The following MAGI2 variants were observed in gnomAD, a reference collection of about 807,000 sequenced individuals.
The protein encoded by MAGI2 is membrane associated guanylate kinase, WW and PDZ domain containing 2.
MAGI2 carries 35 observed loss-of-function variants against 133.3 expected under a neutral mutation model. The observed-to-expected ratio is 0.26, with a 90% CI of 0.20 to 0.35. MAGI2 has a LOEUF of 0.35. Ranked by LOEUF, MAGI2 falls within the 10% of genes least tolerant of loss-of-function variation. The pLI, the probability that MAGI2 is intolerant of heterozygous loss-of-function variation, is 1.00. For missense variants in MAGI2, 1,636 were observed against 1,863.4 expected (o/e 0.88, Z 2.25); for synonymous variants, 729 against 710.6 (o/e 1.03, Z -0.41).
At chr7:78,715,732 T>C (rs1162314337) in intron 2 of MAGI2, among the ~76,000 whole-genome samples, 1 of 151,906 alleles carries the variant, frequency 6.6e-6, no homozygotes, top group African/African-American at 2.4e-5. Context: ...CTTTAGATAA[T>C]AAGAACATAT....
chr7:78,804,748 CAAAA>C (rs373472835), intron 2 of MAGI2, among the ~76,000 whole-genome samples: 4 of 97,736 alleles, frequency 4.1e-5, no homozygotes, highest in African/African-American at 9.5e-5. Context: ...GACTCTGTCT[CAAAA>C]AAAAAAAAAA....
chr7:79,385,142 C>T, intron 1 of MAGI2, among the ~76,000 whole-genome samples: 1 of 151,528 alleles, frequency 6.6e-6, no homozygotes, highest in East Asian at 1.9e-4. Context: ...CATAGTAGTA[C>T]AAAACAGAGC....
chr7:79,416,655 G>C (rs1209849289), intron 1 of MAGI2, among the ~76,000 whole-genome samples: 1 of 151,056 alleles, frequency 6.6e-6, no homozygotes, highest in African/African-American at 2.4e-5. Context: ...GAAAAATACA[G>C]ATAATTGTTG....
At chr7:79,184,819 T>G (rs1826933613) in intron 1 of MAGI2, among the ~76,000 whole-genome samples, 1 of 151,838 alleles carries the variant, frequency 6.6e-6, no homozygotes, top group Admixed American at 6.6e-5. Context: ...TTTTCTTTTC[T>G]TTTGAGTCTT....
intron 2 of MAGI2, among the ~76,000 whole-genome samples, chr7:78,952,053 C>T (rs1022718165): frequency 6.6e-6 from 1 of 152,178 alleles, no homozygotes; most frequent in Non-Finnish European, 1.5e-5. Context: ...ACCTAAACCT[C>T]TTTGCCTGGC....
intron 1 of MAGI2, among the ~76,000 whole-genome samples, chr7:79,438,822 C>T (rs998068593): frequency 1.3e-5 from 2 of 152,106 alleles, no homozygotes; most frequent in Non-Finnish European, 1.5e-5. Flanking sequence ...ACCAAATTTT[C>T]TCCTTTCCCC....
intron 3 of MAGI2, among the ~76,000 whole-genome samples, chr7:78,527,359 G>A (rs2150607172): frequency 6.6e-6 from 1 of 152,224 alleles, no homozygotes; most frequent in East Asian, 1.9e-4. Context: ...GTAGTCAATT[G>A]ACCTTTGCAT....
chr7:78,776,094 G>A (rs1331278343), intron 2 of MAGI2, among the ~76,000 whole-genome samples: 1 of 152,192 alleles, frequency 6.6e-6, no homozygotes, highest in Non-Finnish European at 1.5e-5. Context: ...GATTCACCAT[G>A]AGGATCAAAT....
chr7:78,312,784 T>TGGGTATATACC (rs896561513), intron 9 of MAGI2, among the ~76,000 whole-genome samples: 30 of 151,682 alleles, frequency 2.0e-4, no homozygotes, highest in Admixed American at 2.0e-3. Flanking sequence ...GCAATCCCAC[T>TGGGTATATACC]CAAGGGTATA....
At chr7:78,792,986 C>T (rs1440462237) in intron 2 of MAGI2, among the ~76,000 whole-genome samples, 3 of 152,234 alleles carry the variant, frequency 2.0e-5, no homozygotes, top group Non-Finnish European at 4.4e-5. Context: ...CTTTCAGGCA[C>T]ATGCTACATT....
intron 1 of MAGI2, among the ~76,000 whole-genome samples, chr7:79,315,348 T>A (rs1385883227): frequency 7.2e-5 from 4 of 55,474 alleles, no homozygotes; most frequent in Non-Finnish European, 1.3e-4. Flanking sequence ...TTTTTTTTTG[T>A]ATTTTTAGTA....
At chr7:78,280,853 CAAAAAAAAAAA>C (rs36097343) in intron 9 of MAGI2, among the ~76,000 whole-genome samples, 4 of 108,038 alleles carry the variant, frequency 3.7e-5, no homozygotes, top group Admixed American at 2.2e-4. Context: ...GATGGGTATA[CAAAAAAAAAAA>C]AAAAAAAAAA....
At chr7:78,195,092 G>A (rs1202928367) in intron 11 of MAGI2, 29 bp from the exon 12 acceptor site, 7 of 1,539,894 alleles carry the variant, frequency 4.5e-6, no homozygotes, top group Non-Finnish European at 5.3e-6. Flanking sequence ...CAGAGAAAAT[G>A]ACTGACAAAT....
chr7:78,071,028 G>A (rs1001846559), intron 21 of MAGI2, among the ~76,000 whole-genome samples: 4 of 152,138 alleles, frequency 2.6e-5, no homozygotes, highest in African/African-American at 7.2e-5. Flanking sequence ...GGACTTGCAG[G>A]TTGTGGGCAG....
chr7:79,242,109 A>C (rs1361981473), intron 1 of MAGI2, among the ~76,000 whole-genome samples: 1 of 152,182 alleles, frequency 6.6e-6, no homozygotes, highest in Non-Finnish European at 1.5e-5. Flanking sequence ...TAAGTTCAAG[A>C]GATCTATTGT....
At chr7:78,854,650 CTT>C (rs113049693) in intron 2 of MAGI2, among the ~76,000 whole-genome samples, 17 of 143,432 alleles carry the variant, frequency 1.2e-4, no homozygotes, top group Admixed American at 1.4e-4. Context: ...TTCTGGATTC[CTT>C]TTTTTTTTTT....
chr7:79,127,570 A>G (rs2129545079), intron 1 of MAGI2, among the ~76,000 whole-genome samples: 1 of 152,144 alleles, frequency 6.6e-6, no homozygotes. Flanking sequence ...GCATTTTTTC[A>G]TGTGTTTTTG....
chr7:78,760,618 C>A (rs1431972924), intron 2 of MAGI2, among the ~76,000 whole-genome samples: 1 of 152,088 alleles, frequency 6.6e-6, no homozygotes, highest in East Asian at 1.9e-4. Context: ...CATTAACCTT[C>A]CTTGACAATC....
rs375060263 is a variant in MAGI2, at chr7:79,266,075, C to T, written c.301+186945G>A. Among the ~76,000 whole-genome samples, 4 of 152,120 alleles carry T rather than the reference C, an allele frequency of 2.6e-5. No individual in the cohort carries two copies. The East Asian group carries it at 7.7e-4, about 29-fold the overall frequency. On this transcript the variant is annotated intron_variant, in intron 1 of 21. Coordinates refer to ENST00000354212, the MANE Select transcript of MAGI2 (RefSeq NM_012301.4). The stretch of plus-strand genomic sequence containing the variant: ...AAATCTCTAACCCCCTCTCTCACTA[C>T]TTCATGCAGTTACAAGGAGATGTAT...
Sources: allele counts gnomAD v4.1 joint callset (sites outside exome capture counted in the v4.1 genomes callset), GRCh38; gene constraint gnomAD v4.1.1; transcripts MANE v1.5; gene names NCBI Gene and HGNC (gene_info 2026-07-23, HGNC 2026-07-21).